GRM5: variants seen among roughly 807,000 people sequenced by gnomAD.
GRM5 encodes metabotropic glutamate receptor 5.
In GRM5, 19 loss-of-function variants were observed where a neutral mutation model predicts 83.1. That is an observed-to-expected ratio of 0.23 (90% CI 0.16 to 0.34). The LOEUF (loss-of-function observed/expected upper bound fraction) is 0.34, where lower values mean the gene tolerates loss of function less well. Ranked by LOEUF, GRM5 falls within the 10% of genes least tolerant of loss-of-function variation. GRM5 has a pLI of 1.00. For synonymous variants in GRM5, 675 were observed against 633.6 expected (o/e 1.07, Z -0.98); for missense variants, 1,160 against 1,588.3 (o/e 0.73, Z 4.58).
intron 9 of GRM5, chr11:88,512,143 T>G (rs377149106): frequency 1.3e-5 from 2 of 154,222 alleles, no homozygotes; most frequent in African/African-American, 4.8e-5. Flanking sequence ...CAAAACATGA[T>G]AGCATGTTGC....
intron 3 of GRM5, among the ~76,000 whole-genome samples, chr11:88,666,519 G>T (rs1940048461): frequency 6.6e-6 from 1 of 152,138 alleles, no homozygotes; most frequent in Non-Finnish European, 1.5e-5. Context: ...ATTGATGAGG[G>T]ATCTGCCCTC....
chr11:88,787,609 T>C (rs1225958618), intron 3 of GRM5, among the ~76,000 whole-genome samples: 1 of 152,106 alleles, frequency 6.6e-6, no homozygotes, highest in Admixed American at 6.6e-5. Context: ...AGGAGGCTCT[T>C]ATAGCCATCC....
intron 1 of GRM5, among the ~76,000 whole-genome samples, chr11:89,054,816 A>C (rs1355127498): frequency 6.6e-6 from 1 of 152,244 alleles, no homozygotes; most frequent in Non-Finnish European, 1.5e-5. Flanking sequence ...ATGGGTGGGC[A>C]TGTATGCATA....
intron 2 of GRM5, among the ~76,000 whole-genome samples, chr11:88,949,405 G>C (rs1165962115): frequency 6.6e-6 from 1 of 152,124 alleles, no homozygotes; most frequent in Non-Finnish European, 1.5e-5. Flanking sequence ...TGTTCTACTT[G>C]ATTCCCATTA....
At chr11:88,636,279 A>G (rs138044466) in intron 4 of GRM5, among the ~76,000 whole-genome samples, 9,133 of 152,318 alleles carry the variant, frequency 0.06, 259 homozygotes, top group Middle Eastern at 0.071. Context: ...TGGGAGGCCA[A>G]GGTGGGTGGA....
chr11:88,702,829 C>T (rs747015555), intron 3 of GRM5, among the ~76,000 whole-genome samples: 8 of 152,030 alleles, frequency 5.3e-5, no homozygotes, highest in Non-Finnish European at 1.0e-4. Context: ...AGAGGGACAG[C>T]CACATGAGTA....
At chr11:88,860,245 A>C (rs4753766) in intron 2 of GRM5, among the ~76,000 whole-genome samples, 18,549 of 152,098 alleles carry the variant, frequency 0.12, 1,923 homozygotes, top group East Asian at 0.27. Flanking sequence ...CCTAGAGGAA[A>C]ATAAAAACTT....
chr11:88,775,139 A>G (rs1159768544), intron 3 of GRM5, among the ~76,000 whole-genome samples: 1 of 152,060 alleles, frequency 6.6e-6, no homozygotes, highest in Non-Finnish European at 1.5e-5. Flanking sequence ...GTCTATTCAG[A>G]GATTCAACTT....
rs564889569 is a variant in GRM5, at chr11:88,687,738, C to T, written c.912-34335G>A. On this transcript the variant is annotated intron_variant, in intron 3 of 9. Coordinates refer to ENST00000305447, the MANE Select transcript of GRM5 (RefSeq NM_001143831.3). The stretch of plus-strand genomic sequence containing the variant: ...CGTATGGTGCTTTATATTTACAAAA[C>T]CTCTGTCAGCAACATTATTTAATTA... Among the ~76,000 whole-genome samples, 102 of 147,426 alleles carry T rather than the reference C, an allele frequency of 6.9e-4. 1 individual carries two copies. The highest frequency in any genetic ancestry group is 1.3e-3 in the Non-Finnish European group (89 of 67,394).
chr11:88,798,849 A>C (rs1229847905), intron 3 of GRM5, among the ~76,000 whole-genome samples: 1 of 151,254 alleles, frequency 6.6e-6, no homozygotes. Context: ...ACAAAAAAAA[A>C]CTGCAACAGT....
intron 3 of GRM5, among the ~76,000 whole-genome samples, chr11:88,669,802 C>T (rs1468274682): frequency 6.6e-6 from 1 of 151,868 alleles, no homozygotes; most frequent in Non-Finnish European, 1.5e-5. Context: ...AAGAGTTATA[C>T]TGTATTCATA....
intron 2 of GRM5, among the ~76,000 whole-genome samples, chr11:88,869,547 T>C (rs1944726805): frequency 6.6e-6 from 1 of 151,350 alleles, no homozygotes; most frequent in South Asian, 2.1e-4. Context: ...TTTAAAAGTG[T>C]TATAATAATT....
intron 8 of GRM5, among the ~76,000 whole-genome samples, chr11:88,562,529 G>A (rs559328465): frequency 6.6e-6 from 1 of 152,106 alleles, no homozygotes; most frequent in South Asian, 2.1e-4. Flanking sequence ...GTTCTGTAAG[G>A]TGGCAGAACA....
chr11:88,697,637 A>G (rs1418443855), intron 3 of GRM5, among the ~76,000 whole-genome samples: 1 of 152,202 alleles, frequency 6.6e-6, no homozygotes, highest in Non-Finnish European at 1.5e-5. Context: ...TACTTGAATG[A>G]AGCAGACCCA....
intron 3 of GRM5, among the ~76,000 whole-genome samples, chr11:88,771,080 A>G (rs1398306726): frequency 6.6e-6 from 1 of 152,124 alleles, no homozygotes; most frequent in Non-Finnish European, 1.5e-5. Context: ...ATATGTAGCT[A>G]ATAGCATAGA....
intron 4 of GRM5, among the ~76,000 whole-genome samples, chr11:88,616,468 T>C (rs1185664961): frequency 6.8e-6 from 1 of 146,078 alleles, no homozygotes; most frequent in African/African-American, 2.5e-5. Flanking sequence ...CTTTGCTGCA[T>C]GGAAAATAGA....
chr11:88,655,292 C>T (rs1479942987), intron 3 of GRM5, among the ~76,000 whole-genome samples: 2 of 151,948 alleles, frequency 1.3e-5, no homozygotes, highest in Non-Finnish European at 2.9e-5. Context: ...ATTTTCTCCT[C>T]TGTTTTGGAG....
intron 2 of GRM5, among the ~76,000 whole-genome samples, chr11:88,929,366 T>G (rs1438351386): frequency 6.6e-6 from 1 of 152,162 alleles, no homozygotes; most frequent in Non-Finnish European, 1.5e-5. Flanking sequence ...ACTTTTCATC[T>G]TTATTATTAA....
chr11:88,626,836 T>A (rs1452929496), intron 4 of GRM5, among the ~76,000 whole-genome samples: 2 of 152,210 alleles, frequency 1.3e-5, no homozygotes, highest in Non-Finnish European at 2.9e-5. Context: ...ATTTGATTCA[T>A]GCCCTGAATT....
Sources: allele counts gnomAD v4.1 joint callset (sites outside exome capture counted in the v4.1 genomes callset), GRCh38; gene constraint gnomAD v4.1.1; transcripts MANE v1.5; gene names NCBI Gene and HGNC (gene_info 2026-07-23, HGNC 2026-07-21).